Variants in KCNK17 observed in about 807,000 individuals in gnomAD.
The protein encoded by KCNK17 is potassium channel subfamily K member 17.
Under a neutral mutation model 24.6 loss-of-function variants are expected in KCNK17, and 27 were observed. That is an observed-to-expected ratio of 1.10 (90% CI 0.81 to 1.51). The LOEUF is 1.51. Ranked by LOEUF, KCNK17 falls within the 40% of genes most tolerant of loss-of-function variation. The probability of loss-of-function intolerance (pLI) is 0.00; values close to 1 mark genes in which losing one functional copy is unlikely to be tolerated. For synonymous variants in KCNK17, 181 were observed against 189.8 expected (o/e 0.95, Z 0.38); for missense variants, 450 against 436.6 (o/e 1.03, Z -0.27).
rs187785222 is a variant in KCNK17 at position 39,307,916 on chromosome 6, C to T, written c.352+2977G>A. 2.3e-3 allele frequency among the ~76,000 whole-genome samples: 352 copies of T among 152,354 alleles called. 2 individuals are homozygous for T. The highest frequency in any genetic ancestry group is 3.4e-3 in the Middle Eastern group (1 of 294). On this transcript the variant is annotated intron_variant, in intron 2 of 4. Transcript: ENST00000373231. ...CCAAACACACAAGTCACATTCCCATCTCAGGGCCTTTGCACTTGCTGGCAG... is the reference window on the plus strand; with the variant it reads ...CCAAACACACAAGTCACATTCCCATTTCAGGGCCTTTGCACTTGCTGGCAG...
At chr6:39,311,865 G>A (rs987381532) in intron 1 of KCNK17, among the ~76,000 whole-genome samples, 2 of 152,168 alleles carry the variant, frequency 1.3e-5, no homozygotes, top group South Asian at 2.1e-4. Flanking sequence ...CTAGATTAGG[G>A]AGACTGGTAA....
chr6:39,304,635 T>C lies in KCNK17; in HGVS notation c.373A>G (p.Asn125Asp). 6.2e-7 allele frequency: 1 copy of C among 1,612,756 alleles called. No homozygotes were observed. The highest frequency in any genetic ancestry group is 1.1e-5 in the South Asian group (1 of 91,050). The change falls in exon 3 of 5, where the codon AAC (asparagine) becomes GAC (aspartate). Residue 125 changes from asparagine (N) to aspartate (D), a missense_variant. By Grantham distance (23) the Asn-to-Asp change is conservative. Transcript: ENST00000373231. ...CAGAAGAGGCGGGCAGCCATCGTGT[T>C]GGGGCTCAGGTTGCCATAGCCTGAG... Reference protein sequence around the residue: ...TTIGYGNLSPNTMAARLFCIF... With the variant: ...TTIGYGNLSPDTMAARLFCIF...
rs1041159756 is a variant in KCNK17 at position 39,303,964 on chromosome 6, G to A, written c.681C>T (p.Tyr227=). The A allele has an allele frequency of 7.4e-6, 12 of 1,612,244 alleles. No individual in the cohort carries two copies. The highest frequency in any genetic ancestry group is 1.6e-4 in the Middle Eastern group (1 of 6,080). The change falls in exon 4 of 5, where the codon TAC becomes TAT. Residue 227 remains tyrosine (Y), a synonymous_variant. Transcript: ENST00000373231. ...ACCGCCAGGAACTCTCACCAATCAC[G>A]TAGTCGCCGAAGCCCACGGTGCTGA... The part of the protein sequence containing the change: ...ITLSTVGFGD[Y]VIGMNPSQRY...
chr6:39,304,647 T>C lies in KCNK17; in HGVS notation c.361A>G (p.Asn121Asp). 3.7e-6 allele frequency: 6 copies of C among 1,610,922 alleles called. No individual in the cohort carries two copies. Among genetic ancestry groups the C allele is most frequent in the Non-Finnish European group, 4.2e-6 (5 of 1,177,362 alleles). Residue 121 changes from asparagine (N) to aspartate (D), a missense_variant, in exon 3 of 5, where the codon AAC becomes GAC. Coordinates refer to ENST00000373231, the MANE Select transcript of KCNK17 (RefSeq NM_031460.4). Reference protein sequence around the residue: ...VSTITTIGYGNLSPNTMAARL... With the variant: ...VSTITTIGYGDLSPNTMAARL... Reference sequence around the variant, plus strand: ...GCAGCCATCGTGTTGGGGCTCAGGTTGCCATAGCCTGAGGTGAGAGGGGGC... The same window carrying C: ...GCAGCCATCGTGTTGGGGCTCAGGTCGCCATAGCCTGAGGTGAGAGGGGGC...
At chr6:39,306,177 G>A (rs1214976318) in intron 2 of KCNK17, among the ~76,000 whole-genome samples, 1 of 152,062 alleles carries the variant, frequency 6.6e-6, no homozygotes, top group Non-Finnish European at 1.5e-5. Flanking sequence ...CCGAGTAGCT[G>A]GGATTACAGG....
chr6:39,306,868 G>A (rs1466347321), intron 2 of KCNK17, among the ~76,000 whole-genome samples: 1 of 150,890 alleles, frequency 6.6e-6, no homozygotes, highest in Non-Finnish European at 1.5e-5. Context: ...TGGTTTCAGC[G>A]ATTATCCTGC....
chr6:39,307,358 T>C (rs1762054362), intron 2 of KCNK17, among the ~76,000 whole-genome samples: 2 of 152,174 alleles, frequency 1.3e-5, no homozygotes, highest in Non-Finnish European at 2.9e-5. Flanking sequence ...CCTCCCCCTC[T>C]GGCCTTTATG....
chr6:39,300,208 C>T (rs557825653), intron 4 of KCNK17, among the ~76,000 whole-genome samples: 7 of 152,310 alleles, frequency 4.6e-5, no homozygotes, highest in African/African-American at 9.6e-5. Flanking sequence ...CTGCAACCTC[C>T]GCCTCCTGGG....
intron 4 of KCNK17, chr6:39,300,664 C>G: frequency 1.3e-6 from 1 of 794,764 alleles, no homozygotes; most frequent in East Asian, 2.8e-5. Context: ...GGATGAAGTC[C>G]AAATCCTCAA....
chr6:39,310,381 G>A (rs1762111960), intron 2 of KCNK17, among the ~76,000 whole-genome samples: 1 of 152,166 alleles, frequency 6.6e-6, no homozygotes, highest in Non-Finnish European at 1.5e-5. Flanking sequence ...CTGTGGGAAT[G>A]GGGTCTGGAG....
chr6:39,308,566 T>C (rs1275904272), intron 2 of KCNK17, among the ~76,000 whole-genome samples: 1 of 152,224 alleles, frequency 6.6e-6, no homozygotes, highest in Non-Finnish European at 1.5e-5. Flanking sequence ...GCTGGGATTA[T>C]AGGCAAGAGC....
intron 4 of KCNK17, among the ~76,000 whole-genome samples, chr6:39,303,743 C>T (rs1410504661): frequency 2.0e-5 from 3 of 152,166 alleles, no homozygotes; most frequent in Non-Finnish European, 4.4e-5. Context: ...GGTGGGCCCG[C>T]GGACGTGTTG....
intron 4 of KCNK17, among the ~76,000 whole-genome samples, chr6:39,301,758 C>T (rs1013087628): frequency 4.6e-5 from 7 of 152,220 alleles, no homozygotes; most frequent in Admixed American, 6.5e-5. Flanking sequence ...GACCTGGGGG[C>T]GGCTCTGGCC....
At chr6:39,312,999 C>T (rs1468200620) in intron 1 of KCNK17, among the ~76,000 whole-genome samples, 2 of 152,222 alleles carry the variant, frequency 1.3e-5, no homozygotes, top group African/African-American at 4.8e-5. Context: ...GCACGGTTCC[C>T]TGCCACCTTC....
At chr6:39,306,766 GT>G (rs34588404) in intron 2 of KCNK17, among the ~76,000 whole-genome samples, 35,765 of 130,182 alleles carry the variant, frequency 0.27, 4,810 homozygotes, top group African/African-American at 0.44. Flanking sequence ...TTCTTTCTTT[GT>G]TTTTTTTTTT....
intron 3 of KCNK17, 46 bp from the exon 4 acceptor site, chr6:39,304,177 A>G (rs1761995158): frequency 1.3e-6 from 2 of 1,573,678 alleles, no homozygotes; most frequent in African/African-American, 1.3e-5. Flanking sequence ...CCTTCACCCC[A>G]TGCGTGGGAG....
At chr6:39,309,101 G>T (rs1268615876) in intron 2 of KCNK17, among the ~76,000 whole-genome samples, 1 of 152,226 alleles carries the variant, frequency 6.6e-6, no homozygotes, top group African/African-American at 2.4e-5. Flanking sequence ...CAAGGCGGGT[G>T]GATCACTTGA....
chr6:39,299,449 G>A lies in KCNK17; in HGVS notation c.977C>T (p.Ala326Val), dbSNP rs1314679910. 1 of 1,613,394 alleles carries A rather than the reference G, an allele frequency of 6.2e-7. No individual in the cohort carries two copies. The highest frequency in any genetic ancestry group is 1.1e-5 in the South Asian group (1 of 91,066). ...TAACTAGCTGTCCTTGCCACAGCCT[G>A]CAGCGTGAGCAGAAGGTTCCAGATG... ...IQHLEPSAHAAGCGKDS is the reference protein window; with the variant it reads ...IQHLEPSAHAVGCGKDS Residue 326 changes from alanine to valine, a missense_variant, in exon 5 of 5, where the codon GCA becomes GTA. Transcript: ENST00000373231.
Position 39,299,674 on chromosome 6 carries a change from A to T in KCNK17, c.752T>A (p.Phe251Tyr), listed in dbSNP as rs768903697. The change falls in exon 5 of 5, where the codon TTT becomes TAT. Residue 251 changes from phenylalanine to tyrosine, a missense_variant. Coordinates refer to ENST00000373231, the MANE Select transcript of KCNK17 (RefSeq NM_031460.4). Reference protein sequence around the residue: ...YKNMVSLWILFGMAWLALIIK... With the variant: ...YKNMVSLWILYGMAWLALIIK... ...GATCAAGGCCAGCCATGCCATCCCA[A>T]AGAGGATCCACAGGGACACCATGTT... is the stretch of plus-strand genomic sequence containing the variant. 1.9e-5 allele frequency: 31 copies of T among 1,613,950 alleles called. No individual in the cohort carries two copies. The East Asian group carries it at 6.9e-4, about 36-fold the overall frequency.
Sources: allele counts gnomAD v4.1 joint callset (sites outside exome capture counted in the v4.1 genomes callset), GRCh38; gene constraint gnomAD v4.1.1; transcripts MANE v1.5; gene names NCBI Gene and HGNC (gene_info 2026-07-23, HGNC 2026-07-21).